Variants in SLC25A26 observed in about 807,000 individuals in gnomAD.
SLC25A26 encodes mitochondrial S-adenosylmethionine carrier protein.
A neutral mutation model predicts 37.8 loss-of-function variants in SLC25A26; 36 were observed. That is an observed-to-expected ratio of 0.95 (90% CI 0.73 to 1.26). SLC25A26 has a LOEUF of 1.26. Among genes scored for constraint, SLC25A26 ranks in the 50% most tolerant of loss-of-function variants. The pLI is 0.00. For synonymous variants in SLC25A26, 129 were observed against 122.5 expected, an observed-to-expected ratio of 1.05 and a Z score of -0.35; for missense variants, 390 against 331.1, an observed-to-expected ratio of 1.18 and a Z score of -1.38.
intron 2 of SLC25A26, among the ~76,000 whole-genome samples, chr3:66,241,149 A>G (rs555774642): frequency 6.6e-6 from 1 of 152,288 alleles, no homozygotes; most frequent in South Asian, 2.1e-4. Flanking sequence ...ATTTATTGAA[A>G]AAAAGCCATG....
chr3:66,179,415 C>T (rs776999679), intron 1 of SLC25A26, among the ~76,000 whole-genome samples: 1 of 152,184 alleles, frequency 6.6e-6, no homozygotes, highest in Non-Finnish European at 1.5e-5. Context: ...CATTATGAAA[C>T]GTTTCCCCCT....
chr3:66,316,065 C>T (rs1224077927), intron 5 of SLC25A26, among the ~76,000 whole-genome samples: 1 of 152,200 alleles, frequency 6.6e-6, no homozygotes, highest in Non-Finnish European at 1.5e-5. Flanking sequence ...ACTCTTTACT[C>T]CAGTTTGCCA....
chr3:66,287,282 C>T (rs1443582228), intron 5 of SLC25A26, among the ~76,000 whole-genome samples: 5 of 147,046 alleles, frequency 3.4e-5, no homozygotes. Context: ...GGCGACAGAG[C>T]GAGACTCCGT....
chr3:66,273,585 C>T (rs943474122), intron 5 of SLC25A26, among the ~76,000 whole-genome samples: 6 of 152,128 alleles, frequency 3.9e-5, no homozygotes, highest in Non-Finnish European at 8.8e-5. Flanking sequence ...GTACAAAAAT[C>T]ACAAGCATTC....
chr3:66,342,183 G>C (rs2076224120), intron 5 of SLC25A26, among the ~76,000 whole-genome samples: 2 of 152,122 alleles, frequency 1.3e-5, no homozygotes, highest in Admixed American at 6.5e-5. Context: ...GATCCACTCT[G>C]CTATACATGG....
intron 1 of SLC25A26, among the ~76,000 whole-genome samples, chr3:66,193,556 A>G (rs1478892178): frequency 6.6e-6 from 1 of 152,188 alleles, no homozygotes; most frequent in Non-Finnish European, 1.5e-5. Context: ...TTGGCAGCTC[A>G]CAAATAAATA....
In SLC25A26 at chr3:66,141,515, ATT is replaced by A. The variant is rs35691470; in HGVS notation, c.-354+7545_-354+7546del. On this transcript the variant is annotated intron_variant, in intron 1 of 10. Coordinates refer to the SLC25A26 transcript ENST00000676754. ...AAAGCAAATCTTTGAAATAGTGTGA[ATT>A]TTTTTTTTTTTTTGAGACAGAGTCT... Among the ~76,000 whole-genome samples, 191 of 146,264 alleles carry A rather than the reference ATT, an allele frequency of 1.3e-3. 2 individuals carry two copies. Among genetic ancestry groups the A allele is most frequent in the African/African-American group, 3.8e-3 (152 of 39,908 alleles).
intron 1 of SLC25A26, among the ~76,000 whole-genome samples, chr3:66,188,314 TC>T (rs2070869735): frequency 6.6e-6 from 1 of 152,184 alleles, no homozygotes; most frequent in Non-Finnish European, 1.5e-5. Context: ...AAAGTTTGTC[TC>T]CTCCAAACCT....
chr3:66,218,209 G>T (rs2071390812), upstream of SLC25A26, among the ~76,000 whole-genome samples: 3 of 152,012 alleles, frequency 2.0e-5, no homozygotes, highest in South Asian at 6.2e-4. Context: ...CCATTATAAA[G>T]ATGTATCATA....
chr3:66,354,276 C>G (rs1252462090), intron 6 of SLC25A26, among the ~76,000 whole-genome samples: 3 of 151,748 alleles, frequency 2.0e-5, no homozygotes, highest in African/African-American at 4.8e-5. Context: ...TGTTACAAAG[C>G]AATAGCTAGA....
At position 66,305,493 on chromosome 3, in the gene SLC25A26, G is replaced by T. The variant is rs1261936434; in HGVS notation, c.454-40871G>T. On this transcript the variant is annotated intron_variant, in intron 5 of 9. Coordinates refer to ENST00000354883, the MANE Select transcript of SLC25A26 (RefSeq NM_001379210.1). ...TTTAAGCTCCAGGATACATATGTAGGATATGCAGCTTTGTTACATAGGTAA... is the reference window on the plus strand; with the variant it reads ...TTTAAGCTCCAGGATACATATGTAGTATATGCAGCTTTGTTACATAGGTAA... 2.0e-5 allele frequency among the ~76,000 whole-genome samples: 3 copies of T among 152,180 alleles called. No homozygotes were observed. In the East Asian group the frequency reaches 5.8e-4, roughly 29 times the overall value.
At chr3:66,314,652 C>T (rs1011865426) in intron 5 of SLC25A26, among the ~76,000 whole-genome samples, 2 of 152,070 alleles carry the variant, frequency 1.3e-5, no homozygotes, top group African/African-American at 4.8e-5. Flanking sequence ...TAGGGAGGAG[C>T]ACTTCCTTTT....
chr3:66,150,508 A>AT (rs146822337), intron 1 of SLC25A26, among the ~76,000 whole-genome samples: 43,123 of 120,032 alleles, frequency 0.36, 8,516 homozygotes, highest in African/African-American at 0.41. Context: ...AAGACAAAAA[A>AT]ATATATATAT....
chr3:66,191,263 C>A (rs1385816157), intron 1 of SLC25A26, among the ~76,000 whole-genome samples: 1 of 152,200 alleles, frequency 6.6e-6, no homozygotes, highest in African/African-American at 2.4e-5. Flanking sequence ...GGTATGGTAA[C>A]ACACACCTGT....
intron 5 of SLC25A26, among the ~76,000 whole-genome samples, chr3:66,298,912 T>C (rs2074988150): frequency 6.6e-6 from 1 of 152,188 alleles, no homozygotes; most frequent in Non-Finnish European, 1.5e-5. Context: ...CTCCCCCAGA[T>C]CCCAAGTTAC....
intron 1 of SLC25A26, among the ~76,000 whole-genome samples, chr3:66,178,592 C>A (rs1026197936): frequency 4.6e-5 from 7 of 152,154 alleles, no homozygotes; most frequent in Admixed American, 2.0e-4. Flanking sequence ...TAAGAGCATA[C>A]AAGTCCTTAT....
chr3:66,309,579 T>C (rs1313082722), intron 5 of SLC25A26, among the ~76,000 whole-genome samples: 1 of 152,216 alleles, frequency 6.6e-6, no homozygotes, highest in Non-Finnish European at 1.5e-5. Context: ...CTTCTCTAGT[T>C]CTTTTAATTG....
intron 6 of SLC25A26, 66 bp downstream of exon 6, chr3:66,346,474 G>A (rs1575593668): frequency 1.3e-6 from 1 of 765,586 alleles, no homozygotes; most frequent in Non-Finnish European, 2.0e-6. Context: ...TTTGAGTGTG[G>A]AAGAGTAGAA....
intron 6 of SLC25A26, among the ~76,000 whole-genome samples, chr3:66,358,264 T>G (rs1219642890): frequency 6.6e-6 from 1 of 152,226 alleles, no homozygotes; most frequent in African/African-American, 2.4e-5. Context: ...TTTCTGATTA[T>G]TGTTGTTTTA....
Sources: gnomAD v4.1 joint callset for allele counts (sites outside exome capture counted in the v4.1 genomes callset) on GRCh38, gnomAD v4.1.1 for gene constraint, MANE v1.5 for transcripts, NCBI Gene and HGNC (gene_info 2026-07-23, HGNC 2026-07-21) for gene names.